Variants in ZNF606 observed in about 807,000 individuals in gnomAD.
The protein encoded by ZNF606 is zinc finger protein 328.
In ZNF606, 37 loss-of-function variants were observed where a neutral mutation model predicts 74.9. The observed-to-expected ratio is 0.49, with a 90% CI of 0.38 to 0.65. ZNF606 has a LOEUF of 0.65. ZNF606 is among the 30% of genes least tolerant of loss of function. The pLI is 0.00. For synonymous variants in ZNF606, 328 were observed against 312.4 expected (o/e 1.05, Z -0.53); for missense variants, 852 against 952.9 (o/e 0.89, Z 1.39).
chr19:58,001,378 C>T lies in ZNF606; in HGVS notation c.-51-8G>A. On this transcript the variant is annotated splice_region_variant and splice_polypyrimidine_tract_variant and intron_variant, in intron 1 of 6. Coordinates refer to ENST00000551380, the MANE Select transcript of ZNF606 (RefSeq NM_001348022.3). ...AACACAGCAAATCCCAACCTAGTGA[C>T]AAAAGTGAAAAAAGACAAAACTAGT... 6.2e-7 allele frequency: 1 copy of T among 1,610,580 alleles called. No individual in the cohort carries two copies. Among genetic ancestry groups the T allele is most frequent in the Non-Finnish European group, 8.5e-7 (1 of 1,177,652 alleles).
upstream of ZNF606, chr19:58,003,207 T>C (rs557651989): frequency 2.2e-6 from 1 of 456,688 alleles, no homozygotes; most frequent in African/African-American, 2.0e-5. Flanking sequence ...TTATTCTCTT[T>C]AAGATAAGGA....
chr19:57,982,200 T>A (rs2073094671), intron 6 of ZNF606, among the ~76,000 whole-genome samples: 1 of 152,134 alleles, frequency 6.6e-6, no homozygotes, highest in African/African-American at 2.4e-5. Context: ...ATCCACCATA[T>A]CCTTGCCCTT....
chr19:57,982,159 C>T (rs147906842), intron 6 of ZNF606, among the ~76,000 whole-genome samples: 2 of 152,182 alleles, frequency 1.3e-5, no homozygotes, highest in Admixed American at 6.5e-5. Context: ...AGTTATTGGC[C>T]GGGTTGTGCT....
In ZNF606 at chr19:58,002,779, C is replaced by T. The variant is rs2073463588; in HGVS notation, c.-435G>A. On this transcript the variant is annotated 5_prime_UTR_variant, in exon 1 of 7. The change creates a new upstream start codon in the 5' untranslated region. Coordinates refer to ENST00000551380, the MANE Select transcript of ZNF606 (RefSeq NM_001348022.3). ...CCCCACAGCCTGAGCAAAGGCCTCA[C>T]CTCAGCCGCGGACAATGGCGGCTGC... 2.2e-6 allele frequency: 1 copy of T among 453,562 alleles called. No individual in the cohort carries two copies. Among genetic ancestry groups the T allele is most frequent in the Non-Finnish European group, 4.4e-6 (1 of 225,808 alleles). 28.1% of individuals were successfully genotyped at this position (453,562 alleles called of 1,614,324 possible). A position where few individuals can be genotyped will look rare whatever the true frequency, so the allele number is the denominator to read the frequency against.
At position 57,999,865 on chromosome 19, in the gene ZNF606, C is replaced by T. The variant is rs1345208186; in HGVS notation, c.120G>A (p.Val40=). ...ALCPQYPAWH[V]EGSLEEGRRA... Reference sequence around the variant, plus strand: ...TCCTCCCCTCCTCCAGGCTTCCCTCCACGTGCCAGGCAGGATACTGAGGAC... The same window carrying T: ...TCCTCCCCTCCTCCAGGCTTCCCTCTACGTGCCAGGCAGGATACTGAGGAC... Residue 40 remains valine (V), a synonymous_variant, in exon 4 of 7, where the codon GTG becomes GTA. Transcript: ENST00000551380. 2 of 1,613,948 alleles carry T rather than the reference C, an allele frequency of 1.2e-6. No homozygotes were observed. The highest frequency in any genetic ancestry group is 1.7e-6 in the Non-Finnish European group (2 of 1,180,034).
intron 4 of ZNF606, among the ~76,000 whole-genome samples, chr19:57,996,438 T>C (rs2073343114): frequency 6.6e-6 from 1 of 152,188 alleles, no homozygotes; most frequent in Non-Finnish European, 1.5e-5. Context: ...GAGGGGAGGC[T>C]GCATCAAGCC....
chr19:58,000,915 C>T (rs1056973519), intron 2 of ZNF606, among the ~76,000 whole-genome samples, 176 bp from the exon 3 acceptor site: 1 of 152,138 alleles, frequency 6.6e-6, no homozygotes, highest in Non-Finnish European at 1.5e-5. Flanking sequence ...ACAGGTGAGT[C>T]ACTATTAATT....
intron 3 of ZNF606, chr19:58,000,379 G>C: frequency 3.7e-6 from 2 of 544,206 alleles, no homozygotes; most frequent in South Asian, 2.7e-5. Context: ...CCACCACCAC[G>C]CCCAGCTAAT....
intron 4 of ZNF606, chr19:57,998,355 C>T (rs754772945): frequency 2.4e-4 from 37 of 152,230 alleles, no homozygotes; most frequent in Non-Finnish European, 5.1e-4. Context: ...ACACTTATTA[C>T]ATTTACATTG....
At chr19:57,992,280 T>C (rs901980763) in intron 4 of ZNF606, among the ~76,000 whole-genome samples, 1 of 152,096 alleles carries the variant, frequency 6.6e-6, no homozygotes, top group African/African-American at 2.4e-5. Context: ...CTGCACCCAC[T>C]AACCCATCAT....
chr19:58,003,312 G>A (rs1409848572), upstream of ZNF606: 5 of 456,550 alleles, frequency 1.1e-5, no homozygotes, highest in African/African-American at 2.0e-5. Context: ...CTTTATGGGA[G>A]CATGGGTTAC....
chr19:57,992,012 C>A (rs2073268830), intron 4 of ZNF606, among the ~76,000 whole-genome samples: 1 of 152,122 alleles, frequency 6.6e-6, no homozygotes, highest in Non-Finnish European at 1.5e-5. Flanking sequence ...AAGGTGCAAA[C>A]CCACACCCTA....
intron 4 of ZNF606, chr19:57,997,705 TGGTTAACAG>T (rs1220314836): frequency 1.3e-5 from 2 of 152,318 alleles, no homozygotes; most frequent in African/African-American, 4.8e-5. Context: ...TGTAGCATGG[TGGTTAACAG>T]GGCTTCTTCG....
chr19:58,002,067 C>T (rs2073440104), intron 1 of ZNF606: 1 of 422,024 alleles, frequency 2.4e-6, no homozygotes, highest in Non-Finnish European at 4.8e-6. Flanking sequence ...CACTAGAACA[C>T]ACAGTGGGCC....
At position 58,000,733 on chromosome 19, in the gene ZNF606, A is replaced by G; in HGVS notation, c.38T>C (p.Leu13Pro). The G allele has an allele frequency of 3.8e-6, 6 of 1,592,068 alleles. No homozygotes were observed. The highest frequency in any genetic ancestry group is 5.1e-6 in the Non-Finnish European group (6 of 1,167,714). ...TGTCATCCCCCAAGATTGGTCCGTA[A>G]GGGCACCTGCACAGAAGGATCAGGT... ...AINPWASWGA[L>P]TDQSWGMTAV... Residue 13 changes from leucine to proline, a missense_variant, in exon 3 of 7, where the codon CTT becomes CCT. By Grantham distance (98) the Leu-to-Pro change is moderately conservative. Transcript: ENST00000551380.
intron 4 of ZNF606, among the ~76,000 whole-genome samples, chr19:57,989,601 C>A (rs778668739): frequency 1.4e-4 from 22 of 151,908 alleles, no homozygotes; most frequent in Non-Finnish European, 1.2e-4. Flanking sequence ...CGTGCACCAC[C>A]CCGCCTGGCT....
intron 2 of ZNF606, 44 bp downstream of exon 2, chr19:58,001,245 G>A: frequency 1.2e-6 from 2 of 1,612,230 alleles, no homozygotes; most frequent in South Asian, 1.1e-5. Flanking sequence ...GACTGCAGCA[G>A]CTAATGATAG....
rs1307981216 is a variant in ZNF606, at chr19:57,978,233, T to G, written c.*68A>C. The G allele has an allele frequency of 1.4e-6, 2 of 1,447,924 alleles. No homozygotes were observed. Among genetic ancestry groups the G allele is most frequent in the South Asian group, 3.0e-5 (2 of 65,816 alleles). 89.7% of individuals were successfully genotyped at this position (1,447,924 alleles called of 1,614,324 possible). A position where few individuals can be genotyped will look rare whatever the true frequency, so the allele number is the denominator to read the frequency against. ...ACTCTTAATGAAAAATGTCCCCTCT[T>G]GATTATGTTTATAGGGTTTTCCTCA... On this transcript the variant is annotated 3_prime_UTR_variant, in exon 7 of 7. Transcript: ENST00000551380. The surrounding 1 kb of genome is among the most constrained non-coding windows in gnomAD (Gnocchi z 4.4).
Position 57,979,692 on chromosome 19 carries a change from G to T in ZNF606, c.988C>A (p.Pro330Thr). ...KECHQIFNQS[P>T]SFNEHPRLHV... is the part of the protein sequence containing the mutation. ...AGCCTTGGGTGTTCATTAAATGATG[G>T]GCTCTGGTTAAAGATTTGATGGCAT... is the stretch of plus-strand genomic sequence containing the variant. The change falls in exon 7 of 7, where the codon CCA (proline) becomes ACA (threonine). Residue 330 changes from proline (P) to threonine (T), a missense_variant. Physicochemically the swap from Pro to Thr is conservative, Grantham distance 38 (BLOSUM62 -1). Coordinates refer to ENST00000551380, the MANE Select transcript of ZNF606 (RefSeq NM_001348022.3). 6.2e-7 allele frequency: 1 copy of T among 1,613,418 alleles called. No homozygotes were observed. Among genetic ancestry groups the T allele is most frequent in the South Asian group, 1.1e-5 (1 of 90,970 alleles).
Sources: gnomAD v4.1 joint callset for allele counts (sites outside exome capture counted in the v4.1 genomes callset) on GRCh38, gnomAD v4.1.1 for gene constraint, Gnocchi (gnomAD v3.1) non-coding constraint, MANE v1.5 for transcripts, NCBI Gene and HGNC (gene_info 2026-07-23, HGNC 2026-07-21) for gene names.